EPS8: variants seen among roughly 807,000 people sequenced by gnomAD.
The protein encoded by EPS8 is epidermal growth factor receptor kinase substrate 8.
Under a neutral mutation model 103.8 loss-of-function variants are expected in EPS8, and 42 were observed. The observed-to-expected ratio is 0.40, with a 90% CI of 0.32 to 0.52. The LOEUF is 0.52. Ranked by LOEUF, EPS8 falls within the 20% of genes least tolerant of loss-of-function variation. The pLI, the probability that EPS8 is intolerant of heterozygous loss-of-function variation, is 0.40. For missense variants in EPS8, 969 were observed against 1,005.1 expected (o/e 0.96, Z 0.49); for synonymous variants, 344 against 344.6 (o/e 1.00, Z 0.02).
chr12:15,726,484 A>T (rs1946654163), intron 1 of EPS8, among the ~76,000 whole-genome samples: 1 of 152,194 alleles, frequency 6.6e-6, no homozygotes, highest in Admixed American at 6.5e-5. Context: ...CTCTGTAGTG[A>T]TACATGCCAG....
intron 17 of EPS8, among the ~76,000 whole-genome samples, chr12:15,639,903 G>A (rs1487994049): frequency 6.6e-6 from 1 of 152,170 alleles, no homozygotes; most frequent in Admixed American, 6.5e-5. Context: ...AGTTCTTTCT[G>A]GGGGAATGAG....
rs1381251194 is a variant in EPS8 at position 15,734,998 on chromosome 12, C to T, written c.-21-52026G>A. On this transcript the variant is annotated intron_variant, in intron 1 of 20. Transcript: ENST00000281172. This position sits in a 1 kb window ranked among gnomAD's most constrained non-coding sequence, Gnocchi z 4.1. ...CACTGAAGGGCATCTGTAGCACAGCCCAGGTATTGACAGGGAGCTCCGAAT... is the reference window on the plus strand; with the variant it reads ...CACTGAAGGGCATCTGTAGCACAGCTCAGGTATTGACAGGGAGCTCCGAAT... 6.6e-6 allele frequency among the ~76,000 whole-genome samples: 1 copy of T among 152,086 alleles called. No individual in the cohort carries two copies. Among genetic ancestry groups the T allele is most frequent in the East Asian group, 1.9e-4 (1 of 5,186 alleles).
At chr12:15,650,693 AG>A in intron 14 of EPS8, 129 bp downstream of exon 14, 1 of 758,016 alleles carries the variant, frequency 1.3e-6, no homozygotes, top group Non-Finnish European at 2.1e-6. Context: ...AATTCAGGAC[AG>A]GGTAACATTC....
chr12:15,627,007 CT>C (rs528069900), intron 18 of EPS8, among the ~76,000 whole-genome samples: 38 of 147,614 alleles, frequency 2.6e-4, no homozygotes, highest in Non-Finnish European at 2.6e-4. Flanking sequence ...TGTCTATCAT[CT>C]TTTTTTTTTT....
chr12:15,694,239 C>A (rs949717643), intron 1 of EPS8, among the ~76,000 whole-genome samples: 18 of 151,544 alleles, frequency 1.2e-4, no homozygotes, highest in Admixed American at 1.1e-3. Context: ...CAAGTTTATA[C>A]TAAAAACAAA....
chr12:15,774,120 A>T (rs529017795), intron 1 of EPS8, among the ~76,000 whole-genome samples: 33 of 152,172 alleles, frequency 2.2e-4, no homozygotes, highest in African/African-American at 7.7e-4. Flanking sequence ...AAATTCTTCA[A>T]AAATAACTAA....
intron 18 of EPS8, among the ~76,000 whole-genome samples, chr12:15,624,779 CATTT>C (rs1944918077): frequency 6.6e-6 from 1 of 152,158 alleles, no homozygotes; most frequent in Non-Finnish European, 1.5e-5. Flanking sequence ...AATTATACTA[CATTT>C]CCTTAGACTG....
At chr12:15,640,908 T>A (rs1297377646) in intron 16 of EPS8, 62 bp from the exon 17 acceptor site, 1 of 1,508,462 alleles carries the variant, frequency 6.6e-7, no homozygotes, top group East Asian at 2.3e-5. Flanking sequence ...CGAAAGAAGT[T>A]CCCTAGACTT....
intron 1 of EPS8, among the ~76,000 whole-genome samples, chr12:15,685,181 A>C (rs1239955759): frequency 6.6e-6 from 1 of 152,202 alleles, no homozygotes; most frequent in African/African-American, 2.4e-5. Context: ...TTATGGAACT[A>C]GAGATAGTCT....
rs1456600892 is a variant in EPS8, at chr12:15,721,677, G to T, written c.-21-38705C>A. ...TGTTTGCCTTTGTCTTGCGCATCAA[G>T]TTAAAAGGATTTTCCTGAAAACTTA... On this transcript the variant is annotated intron_variant, in intron 1 of 20. Transcript: ENST00000281172. This position sits in a 1 kb window ranked among gnomAD's most constrained non-coding sequence, Gnocchi z 4.4. 6.6e-6 allele frequency among the ~76,000 whole-genome samples: 1 copy of T among 152,056 alleles called. No individual in the cohort carries two copies. The highest frequency in any genetic ancestry group is 1.5e-5 in the Non-Finnish European group (1 of 68,014).
chr12:15,632,479 G>A (rs1157491455), intron 17 of EPS8, among the ~76,000 whole-genome samples: 6 of 152,164 alleles, frequency 3.9e-5, no homozygotes, highest in African/African-American at 1.2e-4. Context: ...AATAGATAAT[G>A]CATTGTGAGA....
At chr12:15,723,484 A>C (rs1193886893) in intron 1 of EPS8, among the ~76,000 whole-genome samples, 1 of 152,160 alleles carries the variant, frequency 6.6e-6, no homozygotes, top group East Asian at 1.9e-4. Context: ...GTTAGTCATC[A>C]GCGTGGATTT....
At chr12:15,739,016 G>C (rs184627215) in intron 1 of EPS8, among the ~76,000 whole-genome samples, 9 of 152,244 alleles carry the variant, frequency 5.9e-5, no homozygotes, top group African/African-American at 2.2e-4. Flanking sequence ...CTACATCCCT[G>C]GGTTACTATT....
chr12:15,694,702 A>G (rs1164638095), intron 1 of EPS8, among the ~76,000 whole-genome samples: 2 of 152,224 alleles, frequency 1.3e-5, no homozygotes, highest in Non-Finnish European at 1.5e-5. Context: ...CTATAAAAGT[A>G]GTATGAAACT....
In EPS8 at chr12:15,789,323, G is replaced by C. The variant is rs1278144062; in HGVS notation, c.-184C>G. ...ACCCAGCTAAAGAGCAGCGATCTCCGAGGCGAGCACAGCGCCGGCCTCGCG... is the reference window on the plus strand; with the variant it reads ...ACCCAGCTAAAGAGCAGCGATCTCCCAGGCGAGCACAGCGCCGGCCTCGCG... On this transcript the variant is annotated 5_prime_UTR_variant, in exon 1 of 21. Coordinates refer to ENST00000281172, the MANE Select transcript of EPS8 (RefSeq NM_004447.6). The surrounding 1 kb of genome is among the most constrained non-coding windows in gnomAD (Gnocchi z 6.1). 1 of 152,254 alleles carries C rather than the reference G, an allele frequency of 6.6e-6. No homozygotes were observed. Among genetic ancestry groups the C allele is most frequent in the Non-Finnish European group, 1.5e-5 (1 of 68,104 alleles). 9.4% of individuals were successfully genotyped at this position (152,254 alleles called of 1,614,324 possible). A position where few individuals can be genotyped will look rare whatever the true frequency, so the allele number is the denominator to read the frequency against.
At position 15,745,370 on chromosome 12, in the gene EPS8, AC is replaced by A. The variant is rs1946865506; in HGVS notation, c.-22+43790del. Among the ~76,000 whole-genome samples, 1 of 152,222 alleles carries A rather than the reference AC, an allele frequency of 6.6e-6. No individual in the cohort carries two copies. The highest frequency in any genetic ancestry group is 1.5e-5 in the Non-Finnish European group (1 of 68,036). Reference sequence around the variant, plus strand: ...CGGGCCCTCCCCGTTCCCATAAAAAACATCAATAATTTATCATTACACTCTT... The same window carrying A: ...CGGGCCCTCCCCGTTCCCATAAAAAAATCAATAATTTATCATTACACTCTT... On this transcript the variant is annotated intron_variant, in intron 1 of 20. Coordinates refer to ENST00000281172, the MANE Select transcript of EPS8 (RefSeq NM_004447.6). The surrounding 1 kb of genome is among the most constrained non-coding windows in gnomAD (Gnocchi z 4.6).
chr12:15,782,864 G>A (rs1342797701), intron 1 of EPS8, among the ~76,000 whole-genome samples: 4 of 152,110 alleles, frequency 2.6e-5, no homozygotes, highest in Non-Finnish European at 5.9e-5. Context: ...GTGAGTAACC[G>A]CTTAGTCCAC....
chr12:15,776,070 G>A lies in EPS8; in HGVS notation c.-22+13091C>T, dbSNP rs1947204040. Among the ~76,000 whole-genome samples the A allele has an allele frequency of 1.3e-5, 2 of 152,022 alleles. No individual in the cohort carries two copies. The highest frequency in any genetic ancestry group is 1.3e-4 in the Admixed American group (2 of 15,266). On this transcript the variant is annotated intron_variant, in intron 1 of 20. Coordinates refer to ENST00000281172, the MANE Select transcript of EPS8 (RefSeq NM_004447.6). The surrounding 1 kb of genome is among the most constrained non-coding windows in gnomAD (Gnocchi z 4.2). ...TCACATACAAAGGGCAGTTCCATAT[G>A]TATTTTATTATATATTCAATATAAA...
At position 15,747,159 on chromosome 12, in the gene EPS8, C is replaced by T. The variant is rs1946883905; in HGVS notation, c.-22+42002G>A. Among the ~76,000 whole-genome samples the T allele has an allele frequency of 6.6e-6, 1 of 152,136 alleles. No individual in the cohort carries two copies. Among genetic ancestry groups the T allele is most frequent in the Non-Finnish European group, 1.5e-5 (1 of 68,026 alleles). ...AACCTAGTAACCCTCAATAATATAT[C>T]CTATTTTTCTTGCTAGAGATTATTT... On this transcript the variant is annotated intron_variant, in intron 1 of 20. Coordinates refer to ENST00000281172, the MANE Select transcript of EPS8 (RefSeq NM_004447.6). This position sits in a 1 kb window ranked among gnomAD's most constrained non-coding sequence, Gnocchi z 4.4.
Sources: allele counts gnomAD v4.1 joint callset (sites outside exome capture counted in the v4.1 genomes callset), GRCh38; gene constraint gnomAD v4.1.1; non-coding constraint Gnocchi (gnomAD v3.1); transcripts MANE v1.5; gene names NCBI Gene and HGNC (gene_info 2026-07-23, HGNC 2026-07-21).